NAA35: variants seen among roughly 807,000 people sequenced by gnomAD.
NAA35 encodes MAK10 homolog, amino-acid N-acetyltransferase subunit.
In NAA35, 18 loss-of-function variants were observed where a neutral mutation model predicts 101.7. That is an observed-to-expected ratio of 0.18 (90% CI 0.12 to 0.26). The LOEUF is 0.26. Among genes scored for constraint, NAA35 ranks in the 10% least tolerant of loss-of-function variants. The pLI, the probability that NAA35 is intolerant of heterozygous loss-of-function variation, is 1.00. For synonymous variants in NAA35, 267 were observed against 273.1 expected, an observed-to-expected ratio of 0.98 and a Z score of 0.22; for missense variants, 601 against 886.8, an observed-to-expected ratio of 0.68 and a Z score of 4.09.
At chr9:85,988,562 G>T (rs1335286337) in intron 11 of NAA35, among the ~76,000 whole-genome samples, 1 of 152,220 alleles carries the variant, frequency 6.6e-6, no homozygotes. Context: ...CACTTTGGGA[G>T]GCCGAGGCAG....
chr9:85,945,418 C>A (rs1390410255), intron 2 of NAA35, among the ~76,000 whole-genome samples: 1 of 152,164 alleles, frequency 6.6e-6, no homozygotes, highest in Non-Finnish European at 1.5e-5. Flanking sequence ...GGCTTCTGTT[C>A]TAGTGACTTT....
At position 85,959,832 on chromosome 9, in the gene NAA35, C is replaced by T; in HGVS notation, c.313C>T (p.Leu105=). Residue 105 remains leucine, a synonymous_variant, in exon 5 of 23, where the codon CTG becomes TTG. Transcript: ENST00000361671. ...IKIKDLTLPE[L]IGIMDTCFCC... ...AATTAAAGATCTCACCTTGCCTGAACTGATAGGGATTATGGATACATGTTT... is the reference window on the plus strand; with the variant it reads ...AATTAAAGATCTCACCTTGCCTGAATTGATAGGGATTATGGATACATGTTT... 1 of 1,611,412 alleles carries T rather than the reference C, an allele frequency of 6.2e-7. No homozygotes were observed. The highest frequency in any genetic ancestry group is 8.5e-7 in the Non-Finnish European group (1 of 1,178,970).
chr9:86,021,382 C>A lies in NAA35; in HGVS notation c.2118+413C>A, dbSNP rs549756127. The stretch of plus-strand genomic sequence containing the variant: ...GCTTTTCTTGGTAATGTTATATCAT[C>A]CATGCTACGTCATCATTTCAGAGCA... On this transcript the variant is annotated intron_variant, in intron 22 of 22. Coordinates refer to ENST00000361671, the MANE Select transcript of NAA35 (RefSeq NM_024635.4). Among the ~76,000 whole-genome samples the A allele has an allele frequency of 7.2e-5, 11 of 152,308 alleles. No homozygotes were observed. The South Asian group carries it at 2.3e-3, about 32-fold the overall frequency.
chr9:85,986,464 C>G (rs1333561488), intron 11 of NAA35: 4 of 470,026 alleles, frequency 8.5e-6, no homozygotes, highest in South Asian at 6.2e-5. Flanking sequence ...CTGACTTCCT[C>G]CTTTTCAGGT....
rs186891778 is a variant in NAA35 at position 85,958,139 on chromosome 9, C to A, written c.159-333C>A. Among the ~76,000 whole-genome samples the A allele has an allele frequency of 1.3e-3, 191 of 152,104 alleles. 4 individuals carry two copies. The South Asian group carries it at 0.033, about 27-fold the overall frequency. On this transcript the variant is annotated intron_variant, in intron 3 of 22. Coordinates refer to ENST00000361671, the MANE Select transcript of NAA35 (RefSeq NM_024635.4). ...TATTTTTAGTAAAGATGGGGTTTCT[C>A]CATGTTGGTCAGGCTGGTCTTGAAC...
chr9:86,020,476 T>G (rs1008000659), intron 21 of NAA35, among the ~76,000 whole-genome samples: 6 of 152,102 alleles, frequency 3.9e-5, no homozygotes, highest in Non-Finnish European at 8.8e-5. Flanking sequence ...GAAATATATT[T>G]ATAATTTTAA....
intron 8 of NAA35, among the ~76,000 whole-genome samples, chr9:85,975,644 C>T (rs115287404): frequency 0.016 from 2,412 of 152,232 alleles, 56 homozygotes; most frequent in African/African-American, 0.053. Flanking sequence ...TTTCAATCAG[C>T]GGTTGGTTGA....
intron 2 of NAA35, among the ~76,000 whole-genome samples, chr9:85,947,801 A>G (rs1340833779): frequency 1.3e-5 from 2 of 151,056 alleles, no homozygotes; most frequent in South Asian, 2.1e-4. Context: ...AGGTTCAGCT[A>G]TCACTTAACC....
At chr9:85,955,350 A>G (rs1198036192) in intron 2 of NAA35, among the ~76,000 whole-genome samples, 2 of 61,884 alleles carry the variant, frequency 3.2e-5, no homozygotes, top group Admixed American at 3.1e-4. Context: ...ATATATATAT[A>G]TATATATATA....
At chr9:85,971,870 C>CT (rs923175035) in intron 6 of NAA35, among the ~76,000 whole-genome samples, 2 of 150,546 alleles carry the variant, frequency 1.3e-5, no homozygotes, top group African/African-American at 2.5e-5. Flanking sequence ...TTCTTACTCT[C>CT]CCCACTGTTG....
chr9:85,961,254 C>CTA lies in NAA35; in HGVS notation c.349-758_349-757dup, dbSNP rs1240351031. On this transcript the variant is annotated intron_variant, in intron 5 of 22. Transcript: ENST00000361671. Reference sequence around the variant, plus strand: ...GCAATGCAGTAGCGTATGTCTTACTCTACTGCAGAATTCTTGGGCTTAAGG... The same window carrying CTA: ...GCAATGCAGTAGCGTATGTCTTACTCTATACTGCAGAATTCTTGGGCTTAAGG... Among the ~76,000 whole-genome samples, 6 of 152,314 alleles carry CTA rather than the reference C, an allele frequency of 3.9e-5. No individual in the cohort carries two copies. The South Asian group carries it at 1.0e-3, about 26-fold the overall frequency.
intron 11 of NAA35, among the ~76,000 whole-genome samples, chr9:85,978,625 T>C (rs1035430609): frequency 2.6e-5 from 4 of 152,138 alleles, no homozygotes; most frequent in Non-Finnish European, 5.9e-5. Flanking sequence ...CTTATGTCCA[T>C]GCTGTGATGT....
chr9:86,021,906 T>A lies in NAA35; in HGVS notation c.2124T>A (p.Pro708=). 2 of 1,612,840 alleles carry A rather than the reference T, an allele frequency of 1.2e-6. No homozygotes were observed. The highest frequency in any genetic ancestry group is 1.1e-5 in the South Asian group (1 of 90,958). Residue 708 remains proline (P), a synonymous_variant, in exon 23 of 23, where the codon CCT becomes CCA. Coordinates refer to ENST00000361671, the MANE Select transcript of NAA35 (RefSeq NM_024635.4). ...GTTTCGTTTTTCTTTAACAGGTTCC[T>A]CCTGAATTTGATTTCTCTGCTCATA... ...AGGHKKESKV[P]PEFDFSAHKY... is the part of the protein sequence containing the mutation.
At chr9:85,960,795 G>A (rs867942074) in intron 5 of NAA35, among the ~76,000 whole-genome samples, 1 of 152,322 alleles carries the variant, frequency 6.6e-6, no homozygotes, top group Middle Eastern at 3.4e-3. Flanking sequence ...GGAACAGAGA[G>A]GAGGAGTTAA....
intron 2 of NAA35, among the ~76,000 whole-genome samples, chr9:85,942,973 T>G (rs1828590651): frequency 6.6e-6 from 1 of 152,212 alleles, no homozygotes; most frequent in African/African-American, 2.4e-5. Flanking sequence ...ACTTTTTATT[T>G]TCTTCATACA....
chr9:85,985,688 A>C (rs1830618416), intron 11 of NAA35, among the ~76,000 whole-genome samples: 2 of 152,124 alleles, frequency 1.3e-5, no homozygotes, highest in Non-Finnish European at 2.9e-5. Context: ...AACTCTGTTA[A>C]TGTATTAAAA....
chr9:85,943,723 C>T (rs1828627491), intron 2 of NAA35, among the ~76,000 whole-genome samples: 1 of 152,108 alleles, frequency 6.6e-6, no homozygotes, highest in African/African-American at 2.4e-5. Context: ...TCATCTTGCA[C>T]TGATTTTAAG....
rs1554774869 is a variant in NAA35, at chr9:85,992,184, A to AT, written c.878-4215_878-4214insT. On this transcript the variant is annotated intron_variant, in intron 11 of 22. Coordinates refer to ENST00000361671, the MANE Select transcript of NAA35 (RefSeq NM_024635.4). ...GCAAGACTCCGTCTCAAAAAAAAAA[A>AT]AATAATAAAAAATAAATGAATAAAA... Among the ~76,000 whole-genome samples, 810 of 151,024 alleles carry AT rather than the reference A, an allele frequency of 5.4e-3. 10 individuals carry two copies. The highest frequency in any genetic ancestry group is 0.018 in the African/African-American group (752 of 41,042).
At chr9:85,973,397 T>G (rs1246348558) in intron 6 of NAA35, among the ~76,000 whole-genome samples, 1 of 152,116 alleles carries the variant, frequency 6.6e-6, no homozygotes, top group Non-Finnish European at 1.5e-5. Context: ...ACTAGTGTGG[T>G]AGGTGGGGGA....
Sources: gnomAD v4.1 joint callset for allele counts (sites outside exome capture counted in the v4.1 genomes callset) on GRCh38, gnomAD v4.1.1 for gene constraint, MANE v1.5 for transcripts, NCBI Gene and HGNC (gene_info 2026-07-23, HGNC 2026-07-21) for gene names.